The following KCNJ15 variants were observed in gnomAD, a reference collection of about 807,000 sequenced individuals.
The protein encoded by KCNJ15 is ATP-sensitive inward rectifier potassium channel 15.
Under a neutral mutation model 23.0 loss-of-function variants are expected in KCNJ15, and 14 were observed. That is an observed-to-expected ratio of 0.61 (90% CI 0.40 to 0.95). The LOEUF is 0.95. Ranked by LOEUF, KCNJ15 falls within the 40% of genes least tolerant of loss-of-function variation. The pLI is 0.00. For missense variants in KCNJ15, 388 were observed against 461.8 expected, an observed-to-expected ratio of 0.84 and a Z score of 1.46; for synonymous variants, 185 against 183.2, an observed-to-expected ratio of 1.01 and a Z score of -0.08.
intron 1 of KCNJ15, among the ~76,000 whole-genome samples, chr21:38,249,950 G>T (rs989293798): frequency 6.6e-6 from 1 of 152,150 alleles, no homozygotes; most frequent in Non-Finnish European, 1.5e-5. Flanking sequence ...TAGCCCCTGT[G>T]CATTGCTAGG....
At chr21:38,247,007 T>G (rs546255110) in intron 1 of KCNJ15, among the ~76,000 whole-genome samples, 43 of 152,250 alleles carry the variant, frequency 2.8e-4, no homozygotes, top group African/African-American at 9.6e-4. Flanking sequence ...GATGGATGGA[T>G]GCATAGGTAG....
At chr21:38,231,193 T>C (rs985672484) in intron 1 of KCNJ15, among the ~76,000 whole-genome samples, 2 of 152,032 alleles carry the variant, frequency 1.3e-5, no homozygotes, top group Non-Finnish European at 1.5e-5. Context: ...CCCAAGTATC[T>C]TATTCTTTTT....
chr21:38,251,500 G>A (rs761063332), intron 1 of KCNJ15, among the ~76,000 whole-genome samples: 5 of 152,096 alleles, frequency 3.3e-5, no homozygotes, highest in Non-Finnish European at 7.4e-5. Flanking sequence ...ACTTCCATAC[G>A]GAGCCCCTAT....
rs550321291 is a variant in KCNJ15, at chr21:38,302,555, A to G, written c.*2166A>G. The stretch of plus-strand genomic sequence containing the variant: ...TCTCCATTCCTTAAAAAAATATTAC[A>G]TGTCAGTGTAGTTAGATATTATCTC... On this transcript the variant is annotated 3_prime_UTR_variant, in exon 3 of 3. Coordinates refer to ENST00000398938, the MANE Select transcript of KCNJ15 (RefSeq NM_170736.3). 1.3e-5 allele frequency: 2 copies of G among 152,064 alleles called. No individual in the cohort carries two copies. The highest frequency in any genetic ancestry group is 3.9e-4 in the East Asian group (2 of 5,172). The allele number at this position is 152,064 out of a possible 1,614,324, so 9.4% of individuals were successfully genotyped here.
chr21:38,283,176 G>T (rs530524459), intron 1 of KCNJ15, among the ~76,000 whole-genome samples: 1 of 151,858 alleles, frequency 6.6e-6, no homozygotes, highest in South Asian at 2.1e-4. Context: ...ATAATGTTTG[G>T]CCACAACACT....
chr21:38,273,981 A>T (rs990815173), intron 1 of KCNJ15, among the ~76,000 whole-genome samples: 1 of 152,198 alleles, frequency 6.6e-6, no homozygotes, highest in African/African-American at 2.4e-5. Flanking sequence ...CCACGAGTTG[A>T]TGAGCGTGCT....
intron 1 of KCNJ15, among the ~76,000 whole-genome samples, chr21:38,292,371 C>T (rs899379821): frequency 3.3e-5 from 5 of 152,208 alleles, no homozygotes; most frequent in East Asian, 3.9e-4. Context: ...GGTACCTGGG[C>T]GGCCCAGTGT....
chr21:38,283,129 T>C (rs1302500751), intron 1 of KCNJ15, among the ~76,000 whole-genome samples: 2 of 151,808 alleles, frequency 1.3e-5, no homozygotes, highest in Admixed American at 6.5e-5. Flanking sequence ...ATTTGTGCAA[T>C]AGATATTTGG....
upstream of KCNJ15, among the ~76,000 whole-genome samples, chr21:38,256,231 T>C (rs953164549): frequency 3.3e-5 from 5 of 152,004 alleles, no homozygotes; most frequent in African/African-American, 1.2e-4. Flanking sequence ...TCTTCAAGGA[T>C]GGAATTCTGA....
At chr21:38,292,278 T>C (rs1209579876) in intron 1 of KCNJ15, among the ~76,000 whole-genome samples, 1 of 152,160 alleles carries the variant, frequency 6.6e-6, no homozygotes, top group East Asian at 1.9e-4. Context: ...AATAAGATAA[T>C]ATCTATAACT....
At chr21:38,238,874 C>T (rs1371991135) in intron 1 of KCNJ15, among the ~76,000 whole-genome samples, 1 of 152,202 alleles carries the variant, frequency 6.6e-6, no homozygotes, top group Non-Finnish European at 1.5e-5. Flanking sequence ...CTCTCTTTAA[C>T]CTTTCTCTCT....
intron 1 of KCNJ15, among the ~76,000 whole-genome samples, chr21:38,250,979 A>G (rs138956052): frequency 1.3e-5 from 2 of 152,316 alleles, no homozygotes; most frequent in South Asian, 2.1e-4. Flanking sequence ...CATACCTCAC[A>G]GTCTGGCCTA....
At chr21:38,298,671 A>G (rs968846730) in intron 2 of KCNJ15, among the ~76,000 whole-genome samples, 3 of 152,226 alleles carry the variant, frequency 2.0e-5, no homozygotes, top group Non-Finnish European at 4.4e-5. Flanking sequence ...TGAGTTTTAA[A>G]AATGTATACT....
rs551515396 is a variant in KCNJ15 at position 38,277,595 on chromosome 21, A to AAGAGTCATCTAC, written c.-116-19330_-116-19319dup. 2.4e-3 allele frequency among the ~76,000 whole-genome samples: 365 copies of AAGAGTCATCTAC among 152,318 alleles called. 17 individuals carry two copies. In the East Asian group the frequency reaches 0.066, roughly 28 times the overall value. ...GGAGGATACGGGTGATTCACGGCAT[A>AAGAGTCATCTAC]AGAGTCATCTACCAAGTCATCTGCA... On this transcript the variant is annotated intron_variant, in intron 1 of 2. Coordinates refer to ENST00000398938, the MANE Select transcript of KCNJ15 (RefSeq NM_170736.3).
At chr21:38,229,936 C>T (rs1048698496) in intron 1 of KCNJ15, among the ~76,000 whole-genome samples, 7 of 152,174 alleles carry the variant, frequency 4.6e-5, no homozygotes, top group Non-Finnish European at 1.0e-4. Context: ...ATACATTCAG[C>T]AGCTGATGGG....
intron 1 of KCNJ15, among the ~76,000 whole-genome samples, chr21:38,237,876 G>C (rs1415370557): frequency 6.6e-6 from 1 of 152,134 alleles, no homozygotes; most frequent in African/African-American, 2.4e-5. Flanking sequence ...CTATAAATAT[G>C]GGCATCCTAA....
At chr21:38,287,979 T>A (rs1167560698) in intron 1 of KCNJ15, among the ~76,000 whole-genome samples, 2 of 150,880 alleles carry the variant, frequency 1.3e-5, no homozygotes, top group African/African-American at 4.9e-5. Context: ...AGACAGAATT[T>A]CAAAACTTTT....
chr21:38,230,623 G>T (rs1222380032), intron 1 of KCNJ15, among the ~76,000 whole-genome samples: 1 of 151,684 alleles, frequency 6.6e-6, no homozygotes, highest in African/African-American at 2.4e-5. Context: ...CACAAAGTTT[G>T]CTTTCATGTT....
intron 2 of KCNJ15, chr21:38,298,157 A>T (rs2146351059): frequency 6.6e-6 from 1 of 152,144 alleles, no homozygotes; most frequent in East Asian, 1.9e-4. Flanking sequence ...TGTGGGGGAA[A>T]TTTATGTCAG....
Sources: gnomAD v4.1 joint callset for allele counts (sites outside exome capture counted in the v4.1 genomes callset) on GRCh38, gnomAD v4.1.1 for gene constraint, MANE v1.5 for transcripts, NCBI Gene and HGNC (gene_info 2026-07-23, HGNC 2026-07-21) for gene names.